The following CDH17 variants were observed in gnomAD, a reference collection of about 807,000 sequenced individuals.
CDH17 encodes cadherin-17.
CDH17 carries 67 observed loss-of-function variants against 86.3 expected under a neutral mutation model. The ratio of observed to expected loss-of-function variants is 0.78; its 90% CI spans 0.64 to 0.95. The LOEUF (loss-of-function observed/expected upper bound fraction) is 0.95, where lower values mean the gene tolerates loss of function less well. CDH17 is among the 40% of genes least tolerant of loss of function. The probability of loss-of-function intolerance (pLI) is 0.00; values close to 1 mark genes in which losing one functional copy is unlikely to be tolerated. For synonymous variants in CDH17, 367 were observed against 366.4 expected (o/e 1.00, Z -0.02); for missense variants, 993 against 1,017.6 (o/e 0.98, Z 0.33).
chr8:94,146,110 T>A lies in CDH17; in HGVS notation c.1985A>T (p.Asp662Val). Reference protein sequence around the residue: ...EFHLILMDVNDNPPRLAKDYT... With the variant: ...EFHLILMDVNVNPPRLAKDYT... ...GTCCTTGGCTAGCCTGGGAGGGTTGTCATTCACATCCATAAGGATCAGGTG... is the reference window on the plus strand; with the variant it reads ...GTCCTTGGCTAGCCTGGGAGGGTTGACATTCACATCCATAAGGATCAGGTG... The change falls in exon 15 of 18, where the codon GAC (aspartate) becomes GTC (valine). Residue 662 changes from aspartate (D) to valine (V), a missense_variant. Physicochemically the swap from Asp to Val is radical, Grantham distance 152. Coordinates refer to ENST00000027335, the MANE Select transcript of CDH17 (RefSeq NM_004063.4). The A allele has an allele frequency of 6.2e-7, 1 of 1,611,556 alleles. No individual in the cohort carries two copies. The highest frequency in any genetic ancestry group is 8.5e-7 in the Non-Finnish European group (1 of 1,178,920).
chr8:94,168,838 C>A (rs1199054979), intron 9 of CDH17, among the ~76,000 whole-genome samples: 1 of 152,072 alleles, frequency 6.6e-6, no homozygotes, highest in Non-Finnish European at 1.5e-5. Flanking sequence ...GCAGGCTGGA[C>A]CTAGCAACTT....
At chr8:94,156,831 T>TA (rs1277517093) in intron 12 of CDH17, among the ~76,000 whole-genome samples, 1 of 152,242 alleles carries the variant, frequency 6.6e-6, no homozygotes, top group Non-Finnish European at 1.5e-5. Flanking sequence ...ACTATACACA[T>TA]ACTTTTGCAT....
chr8:94,176,645 T>G lies in CDH17; in HGVS notation c.320A>C (p.Glu107Ala). ...AALDANGIIV[E>A]GPVPITIKVK... ...TTTTATGGTGATAGGGACTGGACCC[T>G]CCACTATAATTCCATTAGCGTCCAG... Residue 107 changes from glutamate to alanine, a missense_variant, in exon 5 of 18, where the codon GAG becomes GCG. Glu to Ala is a moderately radical substitution (Grantham distance 107). Coordinates refer to ENST00000027335, the MANE Select transcript of CDH17 (RefSeq NM_004063.4). 6.2e-7 allele frequency: 1 copy of G among 1,613,420 alleles called. No individual in the cohort carries two copies. The highest frequency in any genetic ancestry group is 8.5e-7 in the Non-Finnish European group (1 of 1,179,592).
In CDH17 at chr8:94,176,613, CCTTCACTTTTATGGTGATA is replaced by C; in HGVS notation, c.333_351del (p.Ile112ThrfsTer18). 1 of 1,613,752 alleles carries C rather than the reference CCTTCACTTTTATGGTGATA, an allele frequency of 6.2e-7. No homozygotes were observed. Among genetic ancestry groups the C allele is most frequent in the South Asian group, 1.1e-5 (1 of 91,076 alleles). On this transcript the variant is annotated frameshift_variant, in exon 5 of 18. Coordinates refer to ENST00000027335, the MANE Select transcript of CDH17 (RefSeq NM_004063.4). LOFTEE classifies it high-confidence loss of function. ...AACGTGGGTCGATTGTCGTTGATGT[CCTTCACTTTTATGGTGATA>C]GGGACTGGACCCTCCACTATAATTC...
intron 1 of CDH17, among the ~76,000 whole-genome samples, chr8:94,195,760 AT>A (rs5893269): frequency 0.27 from 39,643 of 144,560 alleles, 5,236 homozygotes; most frequent in African/African-American, 0.3. Flanking sequence ...AGTCAAGGAA[AT>A]TTTTTTTTTT....
At chr8:94,200,513 A>G (rs1261594672) in intron 1 of CDH17, among the ~76,000 whole-genome samples, 2 of 144,870 alleles carry the variant, frequency 1.4e-5, no homozygotes, top group Non-Finnish European at 3.0e-5. Flanking sequence ...AACATAGATC[A>G]GAGGGTTATT....
intron 1 of CDH17, among the ~76,000 whole-genome samples, chr8:94,200,550 T>C (rs1307948905): frequency 1.4e-5 from 2 of 142,864 alleles, no homozygotes; most frequent in Middle Eastern, 3.5e-3. Flanking sequence ...TTTTTTTTTT[T>C]TTTTTTTTTT....
chr8:94,130,811 A>G (rs972123498), intron 16 of CDH17, 65 bp downstream of exon 16: 12 of 1,504,288 alleles, frequency 8.0e-6, no homozygotes, highest in Non-Finnish European at 1.1e-5. Context: ...ATCAAAGACA[A>G]GAATCTCCTC....
At chr8:94,128,441 T>C (rs1812346191) in intron 17 of CDH17, 101 bp from the exon 18 acceptor site, 4 of 723,030 alleles carry the variant, frequency 5.5e-6, no homozygotes, top group Non-Finnish European at 9.2e-6. Context: ...ATGACTCAAC[T>C]TCATTTTTGT....
chr8:94,163,616 C>T (rs1265942870), intron 10 of CDH17, among the ~76,000 whole-genome samples: 2 of 152,240 alleles, frequency 1.3e-5, no homozygotes, highest in Admixed American at 1.3e-4. Context: ...CTGCCCACAA[C>T]CTTTGCAAAC....
chr8:94,206,611 G>C (rs1322946950), intron 1 of CDH17, among the ~76,000 whole-genome samples: 1 of 149,368 alleles, frequency 6.7e-6, no homozygotes, highest in East Asian at 2.0e-4. Context: ...TAGAGTTTCT[G>C]CCAGGATATA....
intron 13 of CDH17, among the ~76,000 whole-genome samples, chr8:94,149,091 G>A (rs1812809861): frequency 6.6e-6 from 1 of 151,962 alleles, no homozygotes. Flanking sequence ...TGCTTTATTT[G>A]CATTTCATCT....
At chr8:94,209,532 T>A (rs769234982), upstream of CDH17, among the ~76,000 whole-genome samples, 2 of 152,210 alleles carry the variant, frequency 1.3e-5, no homozygotes, top group Non-Finnish European at 2.9e-5. Context: ...CATGAGAAGG[T>A]TTCATGAGTG....
chr8:94,182,748 T>C (rs1407156672), intron 3 of CDH17, among the ~76,000 whole-genome samples: 1 of 151,998 alleles, frequency 6.6e-6, no homozygotes, highest in Non-Finnish European at 1.5e-5. Flanking sequence ...AACATTGTAC[T>C]AGAGATTCTA....
chr8:94,203,005 A>G (rs549151876), intron 1 of CDH17: 5 of 264,160 alleles, frequency 1.9e-5, no homozygotes, highest in African/African-American at 4.6e-5. Flanking sequence ...TGTTAGCTTC[A>G]GGTTTCTTCT....
At chr8:94,212,714 A>C (rs1319873757), upstream of CDH17, among the ~76,000 whole-genome samples, 1 of 152,178 alleles carries the variant, frequency 6.6e-6, no homozygotes, top group Admixed American at 6.5e-5. Context: ...CTTCCCCACT[A>C]TCTACTCTGA....
At chr8:94,200,563 T>G (rs75492183) in intron 1 of CDH17, among the ~76,000 whole-genome samples, 4,533 of 140,206 alleles carry the variant, frequency 0.032, 229 homozygotes, top group Middle Eastern at 0.042. Flanking sequence ...TTTTTTTTTT[T>G]TTTTTACAAA....
rs1369011152 is a variant in CDH17, at chr8:94,198,335, TA to T, written c.-20-3631del. Among the ~76,000 whole-genome samples the T allele has an allele frequency of 3.3e-5, 5 of 152,326 alleles. No homozygotes were observed. The East Asian group carries it at 7.7e-4, about 23-fold the overall frequency. ...ACATATCTAAACATCATTTTAGAAT[TA>T]ACTCATAGTTAAACAAGACATTACT... On this transcript the variant is annotated intron_variant, in intron 1 of 17. Coordinates refer to ENST00000027335, the MANE Select transcript of CDH17 (RefSeq NM_004063.4).
At position 94,174,203 on chromosome 8, in the gene CDH17, C is replaced by T. The variant is rs1295150677; in HGVS notation, c.482G>A (p.Gly161Asp). ...TDLDDPATPNGQLYYQIVIQL... is the reference protein window; with the variant it reads ...TDLDDPATPNDQLYYQIVIQL... ...GATGACAATCTGGTAATAAAGCTGGCCATTGGGAGTGGCCGGATCATCCAG... is the reference window on the plus strand; with the variant it reads ...GATGACAATCTGGTAATAAAGCTGGTCATTGGGAGTGGCCGGATCATCCAG... Residue 161 changes from glycine (G) to aspartate (D), a missense_variant, in exon 6 of 18, where the codon GGC (glycine) becomes GAC (aspartate). Transcript: ENST00000027335. The T allele has an allele frequency of 6.2e-7, 1 of 1,613,406 alleles. No homozygotes were observed.
Sources: gnomAD v4.1 joint callset for allele counts (sites outside exome capture counted in the v4.1 genomes callset) on GRCh38, gnomAD v4.1.1 for gene constraint, MANE v1.5 for transcripts, NCBI Gene and HGNC (gene_info 2026-07-23, HGNC 2026-07-21) for gene names.